Variants in FHL1 observed in about 807,000 individuals in gnomAD.
FHL1 encodes the protein four and a half LIM domains protein 1.
A neutral mutation model predicts 20.3 loss-of-function variants in FHL1; 1 was observed. The ratio of observed to expected loss-of-function variants is 0.05; its 90% CI spans 0.02 to 0.23. FHL1 has a LOEUF of 0.23. Ranked by LOEUF, FHL1 falls within the 10% of genes least tolerant of loss-of-function variation. The pLI is 1.00. For missense variants in FHL1, 177 were observed against 234.0 expected (o/e 0.76, Z 1.59); for synonymous variants, 82 against 88.9 (o/e 0.92, Z 0.44).
In FHL1 at chrX:136,210,533, C is replaced by T. The variant is rs1022136952; in HGVS notation, c.*508C>T. The T allele has an allele frequency of 7.7e-6, 3 of 389,655 alleles. No individual in the cohort carries two copies. Among genetic ancestry groups the T allele is most frequent in the African/African-American group, 2.5e-5 (1 of 40,759 alleles). 32.1% of individuals were successfully genotyped at this position (389,655 alleles called of 1,213,427 possible). A position where few individuals can be genotyped will look rare whatever the true frequency, so the allele number is the denominator to read the frequency against. ...ACTTCCTCATCAGAACTCTGCCCTT[C>T]CTTCTGTTCTTTTGTGCTTTCAAAT... On this transcript the variant is annotated 3_prime_UTR_variant, in exon 6 of 6. Transcript: ENST00000370683.
intron 5 of FHL1, chrX:136,209,523 A>C: frequency 9.8e-7 from 1 of 1,021,390 alleles, no homozygotes; most frequent in Non-Finnish European, 1.4e-6. Context: ...AAATCAAAGA[A>C]ACTGGTTATG....
chrX:136,200,872 T>C (rs372618972), intron 1 of FHL1, among the ~76,000 whole-genome samples: 1 of 111,838 alleles, frequency 8.9e-6, no homozygotes, highest in Non-Finnish European at 1.9e-5. Flanking sequence ...TAAAAACTTT[T>C]AGAGCAGGAG....
intron 1 of FHL1, among the ~76,000 whole-genome samples, chrX:136,204,517 A>G: frequency 8.9e-6 from 1 of 112,642 alleles, no homozygotes; most frequent in Non-Finnish European, 1.9e-5. Flanking sequence ...ATAAAGAAAC[A>G]TCCCAGTTTG....
chrX:136,192,834 A>G (rs1194112194), upstream of FHL1, among the ~76,000 whole-genome samples: 1 of 112,017 alleles, frequency 8.9e-6, no homozygotes, highest in East Asian at 2.8e-4. Context: ...TGACAGGAAC[A>G]TGAGATGGCT....
chrX:136,189,110 T>C (rs1288763092), intron 2 of FHL1, among the ~76,000 whole-genome samples: 1 of 111,916 alleles, frequency 8.9e-6, no homozygotes, highest in Non-Finnish European at 1.9e-5. Flanking sequence ...TTATTTGTTG[T>C]GTTGGAAAGT....
chrX:136,203,808 T>C (rs911731171), intron 1 of FHL1, among the ~76,000 whole-genome samples: 1 of 112,418 alleles, frequency 8.9e-6, no homozygotes, highest in Non-Finnish European at 1.9e-5. Context: ...CTAAATGGCA[T>C]TCATTGTGTT....
intron 1 of FHL1, among the ~76,000 whole-genome samples, chrX:136,160,156 G>A (rs1257862002): frequency 8.9e-6 from 1 of 111,736 alleles, no homozygotes; most frequent in Non-Finnish European, 1.9e-5. Context: ...TATGAGAACA[G>A]AACATTCTGT....
At chrX:136,189,586 T>C (rs2073386833) in intron 2 of FHL1, among the ~76,000 whole-genome samples, 1 of 111,893 alleles carries the variant, frequency 8.9e-6, no homozygotes, top group African/African-American at 3.2e-5. Flanking sequence ...TAATATATAG[T>C]GCTTACTGTG....
intron 2 of FHL1, among the ~76,000 whole-genome samples, chrX:136,183,980 T>C (rs1292632145): frequency 1.8e-5 from 2 of 112,039 alleles, no homozygotes; most frequent in Non-Finnish European, 3.8e-5. Context: ...TAGAAGGTGG[T>C]ATGGAAGTTC....
chrX:136,161,217 C>A (rs949254038), intron 1 of FHL1, among the ~76,000 whole-genome samples: 3 of 111,138 alleles, frequency 2.7e-5, no homozygotes, highest in African/African-American at 9.8e-5. Context: ...TCCTTTTGCC[C>A]CCTTGCTGCT....
upstream of FHL1, among the ~76,000 whole-genome samples, chrX:136,168,593 C>G (rs1470163693): frequency 9.0e-6 from 1 of 111,420 alleles, no homozygotes; most frequent in Non-Finnish European, 1.9e-5. Flanking sequence ...ACCATGGGCA[C>G]AAAATTTGTC....
rs1346885184 is a variant in FHL1 at position 136,190,439 on chromosome X, A to G, written c.-26-15968A>G. 2.7e-5 allele frequency among the ~76,000 whole-genome samples: 3 copies of G among 111,714 alleles called. No individual in the cohort carries two copies. In the Admixed American group the frequency reaches 2.9e-4, roughly 11 times the overall value. On this transcript the variant is annotated intron_variant, in intron 2 of 6. Transcript: ENST00000394153. ...CAAGTTAGCCAAAGTTTATCCATAA[A>G]CTTTGTTTTTCTTTTTAAGTTTAAT...
At chrX:136,196,864 G>T, upstream of FHL1, 1 of 1,163,634 alleles carries the variant, frequency 8.6e-7, no homozygotes, top group Non-Finnish European at 1.1e-6. Context: ...AGCCCCGCAG[G>T]TATTTATATG....
At chrX:136,193,525 G>T (rs2073482760), upstream of FHL1, among the ~76,000 whole-genome samples, 1 of 111,634 alleles carries the variant, frequency 9.0e-6, no homozygotes, top group South Asian at 3.8e-4. Context: ...CATCTCAGAA[G>T]AAACTCATTG....
chrX:136,186,457 A>C (rs1486506396), intron 2 of FHL1, among the ~76,000 whole-genome samples: 4 of 111,371 alleles, frequency 3.6e-5, no homozygotes, highest in Non-Finnish European at 7.5e-5. Flanking sequence ...TTGTAAATCA[A>C]AACTCCCATT....
chrX:136,163,030 G>A (rs1261956885), intron 1 of FHL1, among the ~76,000 whole-genome samples: 1 of 112,175 alleles, frequency 8.9e-6, no homozygotes, highest in Non-Finnish European at 1.9e-5. Context: ...CTCATGTGGC[G>A]GAAGGCAGAA....
intron 1 of FHL1, among the ~76,000 whole-genome samples, chrX:136,149,637 A>G (rs772848382): frequency 9.0e-6 from 1 of 111,584 alleles, no homozygotes; most frequent in Non-Finnish European, 1.9e-5. Flanking sequence ...AAAGGAAAAT[A>G]TTTTTTTCAG....
Position 136,210,500 on chromosome X carries a change from A to G in FHL1, c.*475A>G, listed in dbSNP as rs755306118. The G allele has an allele frequency of 2.8e-5, 11 of 389,899 alleles. No homozygotes were observed. Among genetic ancestry groups the G allele is most frequent in the Middle Eastern group, 7.1e-4 (1 of 1,401 alleles). The allele number at this position is 389,899 out of a possible 1,213,427, so 32.1% of individuals were successfully genotyped here. ...CAGGAAAAGAACCCTACTGACATGC[A>G]TGGTTTAACTTCCTCATCAGAACTC... is the stretch of plus-strand genomic sequence containing the variant. On this transcript the variant is annotated 3_prime_UTR_variant, in exon 6 of 6. Transcript: ENST00000370683.
intron 1 of FHL1, chrX:136,147,934 G>A (rs1322666092): frequency 9.7e-6 from 1 of 103,162 alleles, no homozygotes; most frequent in Non-Finnish European, 2.0e-5. Context: ...AGAGGCAGTG[G>A]GGTGGAGGTG....
Sources: allele counts gnomAD v4.1 joint callset (sites outside exome capture counted in the v4.1 genomes callset), GRCh38; gene constraint gnomAD v4.1.1; transcripts MANE v1.5; gene names NCBI Gene and HGNC (gene_info 2026-07-23, HGNC 2026-07-21).